GLCCI1: variants seen among roughly 807,000 people sequenced by gnomAD.
GLCCI1 encodes glucocorticoid induced 1, also known as glucocorticoid-induced transcript 1 protein.
Under a neutral mutation model 52.2 loss-of-function variants are expected in GLCCI1, and 24 were observed. The observed-to-expected ratio is 0.46, with a 90% CI of 0.33 to 0.65. The LOEUF is 0.65. Ranked by LOEUF, GLCCI1 falls within the 30% of genes least tolerant of loss-of-function variation. GLCCI1 has a pLI of 0.02. For missense variants in GLCCI1, 704 were observed against 701.5 expected (o/e 1.00, Z -0.04); for synonymous variants, 310 against 276.5 (o/e 1.12, Z -1.20).
At chr7:7,996,249 G>A (rs1780934979) in intron 1 of GLCCI1, among the ~76,000 whole-genome samples, 1 of 152,040 alleles carries the variant, frequency 6.6e-6, no homozygotes, top group East Asian at 1.9e-4. Context: ...TAGTCATAGT[G>A]GATTTTAGAT....
intron 5 of GLCCI1, among the ~76,000 whole-genome samples, chr7:8,063,702 T>G (rs1220139154): frequency 1.4e-5 from 2 of 145,776 alleles, no homozygotes; most frequent in African/African-American, 5.0e-5. Flanking sequence ...TACTGTGGCC[T>G]CAATCCCTCA....
chr7:8,033,656 G>C (rs1781805491), intron 3 of GLCCI1, among the ~76,000 whole-genome samples: 1 of 151,992 alleles, frequency 6.6e-6, no homozygotes, highest in Non-Finnish European at 1.5e-5. Flanking sequence ...CATCAAAAAA[G>C]ATTAAAGTGT....
intron 6 of GLCCI1, among the ~76,000 whole-genome samples, chr7:8,080,841 GTT>G (rs199681673): frequency 3.1e-5 from 4 of 128,240 alleles, no homozygotes; most frequent in South Asian, 2.4e-4. Context: ...TGGTTTTGGG[GTT>G]TTTTTTTTTT....
rs1783076059 is a variant in GLCCI1 at position 8,085,111 on chromosome 7, A to C, written c.1298+94A>C. 3 of 1,405,846 alleles carry C rather than the reference A, an allele frequency of 2.1e-6. No individual in the cohort carries two copies. The African/African-American group carries it at 4.3e-5, about 20-fold the overall frequency. 87.1% of individuals were successfully genotyped at this position (1,405,846 alleles called of 1,614,324 possible). A position where few individuals can be genotyped will look rare whatever the true frequency, so the allele number is the denominator to read the frequency against. ...TACATATGAATCAACTACTCTATCC[A>C]GCTGATAATGTGTTTCAAGAGCAAA... On this transcript the variant is annotated intron_variant, in intron 7 of 7. Transcript: ENST00000223145.
intron 1 of GLCCI1, among the ~76,000 whole-genome samples, chr7:7,973,418 G>A (rs1355059003): frequency 1.4e-5 from 2 of 144,400 alleles, no homozygotes; most frequent in Non-Finnish European, 3.0e-5. Flanking sequence ...GTGTGCGTGT[G>A]TGTGTGTGTG....
At chr7:8,037,584 T>C (rs1461998403) in intron 3 of GLCCI1, among the ~76,000 whole-genome samples, 1 of 152,182 alleles carries the variant, frequency 6.6e-6, no homozygotes. Context: ...AATGCTCCAC[T>C]TAAAAGATAC....
At chr7:8,047,994 C>T (rs1782174125) in intron 3 of GLCCI1, among the ~76,000 whole-genome samples, 1 of 152,200 alleles carries the variant, frequency 6.6e-6, no homozygotes, top group South Asian at 2.1e-4. Context: ...CTTCTTTTCT[C>T]TTTCTTGCTC....
chr7:8,074,475 G>A (rs532727685), intron 6 of GLCCI1, among the ~76,000 whole-genome samples: 23 of 152,224 alleles, frequency 1.5e-4, no homozygotes, highest in African/African-American at 5.1e-4. Context: ...CTTGAGGTCA[G>A]GAGTTAAAGA....
In GLCCI1 at chr7:8,086,018, A is replaced by G. The variant is rs569150841; in HGVS notation, c.1299-175A>G. On this transcript the variant is annotated intron_variant, in intron 7 of 7. Transcript: ENST00000223145. This position sits in a 1 kb window ranked among gnomAD's most constrained non-coding sequence, Gnocchi z 4.4. ...CAAATACCACTTCAGTGCTGTGTGC[A>G]TGAATAGTCTGCCAGCTGACTTGTG... Among the ~76,000 whole-genome samples, 1 of 152,112 alleles carries G rather than the reference A, an allele frequency of 6.6e-6. No homozygotes were observed. The highest frequency in any genetic ancestry group is 2.4e-5 in the African/African-American group (1 of 41,404).
intron 6 of GLCCI1, chr7:8,084,612 A>C (rs1562455097): frequency 3.9e-6 from 1 of 257,502 alleles, no homozygotes; most frequent in East Asian, 8.8e-5. Context: ...TACGTAATAA[A>C]TAACATATTT....
At position 8,007,667 on chromosome 7, in the gene GLCCI1, T is replaced by C. The variant is rs575753005; in HGVS notation, c.609+3608T>C. Among the ~76,000 whole-genome samples the C allele has an allele frequency of 4.6e-5, 7 of 152,274 alleles. No homozygotes were observed. The South Asian group carries it at 1.2e-3, about 27-fold the overall frequency. ...ATGTAGTGGAATTATGTAGTGGACA[T>C]TGGTGGAAGGAAGGTGGTATACTCA... On this transcript the variant is annotated intron_variant, in intron 2 of 7. Transcript: ENST00000223145.
At chr7:8,044,765 A>C (rs1291720546) in intron 3 of GLCCI1, among the ~76,000 whole-genome samples, 1 of 152,216 alleles carries the variant, frequency 6.6e-6, no homozygotes, top group Non-Finnish European at 1.5e-5. Context: ...CTTGTATATA[A>C]TTTGCCTCTA....
chr7:7,986,206 A>G (rs979268517), intron 1 of GLCCI1, among the ~76,000 whole-genome samples: 3 of 152,344 alleles, frequency 2.0e-5, no homozygotes, highest in African/African-American at 7.2e-5. Flanking sequence ...TTCAATTTAC[A>G]TGCTTTGAAA....
intron 1 of GLCCI1, among the ~76,000 whole-genome samples, chr7:7,991,758 C>G (rs762836653): frequency 3.7e-4 from 56 of 152,210 alleles, no homozygotes; most frequent in Middle Eastern, 3.4e-3. Context: ...CATCATTTCT[C>G]ATGGTAAATA....
At chr7:8,025,456 G>C (rs939101457) in intron 3 of GLCCI1, among the ~76,000 whole-genome samples, 1 of 152,124 alleles carries the variant, frequency 6.6e-6, no homozygotes, top group Admixed American at 6.5e-5. Context: ...TGTTAGATGG[G>C]TTTGACAACA....
Position 8,086,089 on chromosome 7 carries a change from G to A in GLCCI1, c.1299-104G>A, listed in dbSNP as rs1783099502. On this transcript the variant is annotated intron_variant, in intron 7 of 7. Coordinates refer to ENST00000223145, the MANE Select transcript of GLCCI1 (RefSeq NM_138426.4). The surrounding 1 kb of genome is among the most constrained non-coding windows in gnomAD (Gnocchi z 4.4). ...TCTGTATACACTTAACCCATCTCCT[G>A]CCATTTACATTTTAGCTGTTTTAGA... 1.0e-6 allele frequency: 1 copy of A among 959,502 alleles called. No homozygotes were observed. The highest frequency in any genetic ancestry group is 1.6e-6 in the Non-Finnish European group (1 of 638,312). The allele number at this position is 959,502 out of a possible 1,614,324, so 59.4% of individuals were successfully genotyped here. A position where few individuals can be genotyped will look rare whatever the true frequency, so the allele number is the denominator to read the frequency against.
chr7:8,004,258 T>C (rs1396079862), intron 2 of GLCCI1, 199 bp downstream of exon 2: 4 of 515,214 alleles, frequency 7.8e-6, no homozygotes, highest in Non-Finnish European at 1.4e-5. Flanking sequence ...TGAAATTCTT[T>C]AATACTTAAA....
At chr7:8,013,913 T>C (rs897096518) in intron 2 of GLCCI1, among the ~76,000 whole-genome samples, 2 of 152,144 alleles carry the variant, frequency 1.3e-5, no homozygotes, top group African/African-American at 2.4e-5. Context: ...TTTCTTGGTA[T>C]GTGTCCTCTT....
chr7:8,011,060 A>G (rs1437057682), intron 2 of GLCCI1, among the ~76,000 whole-genome samples: 1 of 152,088 alleles, frequency 6.6e-6, no homozygotes, highest in African/African-American at 2.4e-5. Context: ...TGGAGGTTGC[A>G]GTGAGCCGAG....
Sources: allele counts gnomAD v4.1 joint callset (sites outside exome capture counted in the v4.1 genomes callset), GRCh38; gene constraint gnomAD v4.1.1; non-coding constraint Gnocchi (gnomAD v3.1); transcripts MANE v1.5; gene names NCBI Gene and HGNC (gene_info 2026-07-23, HGNC 2026-07-21).